The following HDDC2 variants were observed in gnomAD, a reference collection of about 807,000 sequenced individuals.
HDDC2 encodes 5'-deoxynucleotidase HDDC2.
HDDC2 carries 25 observed loss-of-function variants against 25.5 expected under a neutral mutation model. The observed-to-expected ratio is 0.98, with a 90% CI of 0.72 to 1.37. The LOEUF (loss-of-function observed/expected upper bound fraction) is 1.37. HDDC2 is among the 40% of genes most tolerant of loss of function. HDDC2 has a pLI of 0.00. For missense variants in HDDC2, 264 were observed against 253.1 expected (o/e 1.04, Z -0.29); for synonymous variants, 106 against 89.7 (o/e 1.18, Z -1.03).
At chr6:125,297,448 A>AAG (rs1798721107) in intron 3 of HDDC2, 2 of 397,414 alleles carry the variant, frequency 5.0e-6, no homozygotes, top group Non-Finnish European at 8.9e-6. Context: ...TGGAACTCTT[A>AAG]AACTGGGACT....
intron 1 of HDDC2, among the ~76,000 whole-genome samples, chr6:125,301,218 A>G (rs1485058050): frequency 6.6e-6 from 1 of 152,212 alleles, no homozygotes; most frequent in African/African-American, 2.4e-5. Context: ...AATAGTAGTC[A>G]GAGTGGCATG....
intron 2 of HDDC2, 93 bp downstream of exon 2, chr6:125,300,445 C>T: frequency 6.9e-7 from 1 of 1,450,220 alleles, no homozygotes; most frequent in Non-Finnish European, 9.3e-7. Flanking sequence ...ATAAACTAAC[C>T]TACAAGGATT....
rs1016924742 is a variant in HDDC2 at position 125,275,404 on chromosome 6, C to T, written c.*742G>A. 1.9e-4 allele frequency: 29 copies of T among 152,170 alleles called. No homozygotes were observed. Among genetic ancestry groups the T allele is most frequent in the African/African-American group, 7.0e-4 (29 of 41,432 alleles). 9.4% of individuals were successfully genotyped at this position (152,170 alleles called of 1,614,324 possible). Reference sequence around the variant, plus strand: ...GAGGAAGAAATCGGGTTGATATATTCCCTACCTGAGGCTCAATGACCCCAG... The same window carrying T: ...GAGGAAGAAATCGGGTTGATATATTTCCTACCTGAGGCTCAATGACCCCAG... On this transcript the variant is annotated 3_prime_UTR_variant, in exon 6 of 6. Transcript: ENST00000398153.
chr6:125,283,589 C>A (rs567842145), intron 4 of HDDC2, among the ~76,000 whole-genome samples: 1 of 152,144 alleles, frequency 6.6e-6, no homozygotes. Context: ...GAATAAAATA[C>A]CTAGGAATAT....
intron 4 of HDDC2, among the ~76,000 whole-genome samples, chr6:125,284,756 C>G (rs934655865): frequency 6.6e-6 from 1 of 152,152 alleles, no homozygotes; most frequent in Non-Finnish European, 1.5e-5. Context: ...GACAATGTGA[C>G]GATTCCTCAA....
intron 4 of HDDC2, among the ~76,000 whole-genome samples, chr6:125,281,478 T>G (rs1397959013): frequency 6.6e-6 from 1 of 152,136 alleles, no homozygotes; most frequent in Non-Finnish European, 1.5e-5. Context: ...TTAGAGGAAT[T>G]GCTAACCAGA....
At chr6:125,276,358 A>G (rs1471576289) in intron 5 of HDDC2, 115 bp from the exon 6 acceptor site, 1 of 736,794 alleles carries the variant, frequency 1.4e-6, no homozygotes, top group East Asian at 2.6e-5. Flanking sequence ...TCTGACCCAC[A>G]CTTCATTCCA....
intron 4 of HDDC2, 63 bp downstream of exon 4, chr6:125,292,778 A>G (rs756103509): frequency 8.2e-7 from 1 of 1,223,992 alleles, no homozygotes; most frequent in African/African-American, 1.5e-5. Context: ...GTCAAGTACA[A>G]CATCAGGGAG....
intron 4 of HDDC2, among the ~76,000 whole-genome samples, chr6:125,286,002 G>T (rs1434757404): frequency 1.3e-5 from 2 of 152,080 alleles, no homozygotes; most frequent in African/African-American, 4.8e-5. Flanking sequence ...GTTCCATTTT[G>T]ATATAAATAA....
At chr6:125,291,392 T>C (rs1368583248) in intron 4 of HDDC2, among the ~76,000 whole-genome samples, 1 of 152,170 alleles carries the variant, frequency 6.6e-6, no homozygotes, top group African/African-American at 2.4e-5. Context: ...AGCATTTCCT[T>C]ATTTTAGAAA....
intron 4 of HDDC2, among the ~76,000 whole-genome samples, chr6:125,283,251 G>A (rs1008218539): frequency 6.6e-5 from 10 of 152,094 alleles, no homozygotes; most frequent in African/African-American, 1.9e-4. Context: ...TTTGAAAACC[G>A]GCACAAGACA....
intron 4 of HDDC2, among the ~76,000 whole-genome samples, chr6:125,283,721 TG>T (rs1798492818): frequency 6.6e-6 from 1 of 152,180 alleles, no homozygotes; most frequent in Non-Finnish European, 1.5e-5. Flanking sequence ...ATCAATATCG[TG>T]AAAATGGCCA....
chr6:125,281,913 T>G (rs978840086), intron 4 of HDDC2, among the ~76,000 whole-genome samples: 3 of 151,458 alleles, frequency 2.0e-5, no homozygotes, highest in African/African-American at 7.3e-5. Flanking sequence ...TTCACCAAGG[T>G]AGAAATAGAG....
chr6:125,291,421 G>A (rs1798629578), intron 4 of HDDC2, among the ~76,000 whole-genome samples: 3 of 152,112 alleles, frequency 2.0e-5, no homozygotes, highest in Admixed American at 1.3e-4. Context: ...GGTACATATG[G>A]TGTACACTAA....
rs1482237579 is a variant in HDDC2 at position 125,292,831 on chromosome 6, A to G, written c.378+10T>C. ...CAAATTAAAAACAGTAACGTACCAT[A>G]TATACTTACTTCCCAAAGTTCATAG... On this transcript the variant is annotated intron_variant, in intron 4 of 5. Coordinates refer to ENST00000398153, the MANE Select transcript of HDDC2 (RefSeq NM_016063.3). The G allele has an allele frequency of 3.7e-6, 6 of 1,602,074 alleles. No homozygotes were observed. The highest frequency in any genetic ancestry group is 2.0e-4 in the Middle Eastern group (1 of 5,090).
At chr6:125,280,180 T>C (rs750715882) in intron 4 of HDDC2, among the ~76,000 whole-genome samples, 8 of 152,306 alleles carry the variant, frequency 5.3e-5, no homozygotes, top group Non-Finnish European at 1.2e-4. Context: ...CATGAGGGAC[T>C]GTGCTGTGAG....
intron 5 of HDDC2, 32 bp from the exon 6 acceptor site, chr6:125,276,275 T>C (rs1465711239): frequency 1.1e-5 from 17 of 1,484,238 alleles, no homozygotes; most frequent in South Asian, 5.6e-5. Flanking sequence ...AAAAATACAT[T>C]CCCATATTGA....
intron 3 of HDDC2, among the ~76,000 whole-genome samples, chr6:125,295,859 C>T (rs948154342): frequency 6.6e-6 from 1 of 152,080 alleles, no homozygotes; most frequent in Non-Finnish European, 1.5e-5. Context: ...CACAGTGATC[C>T]TTATCAGACA....
intron 3 of HDDC2, among the ~76,000 whole-genome samples, chr6:125,298,169 T>C (rs1798733783): frequency 6.6e-6 from 1 of 152,088 alleles, no homozygotes; most frequent in Non-Finnish European, 1.5e-5. Context: ...GGATCTGTAC[T>C]CCAAACCTCA....
Sources: allele counts gnomAD v4.1 joint callset (sites outside exome capture counted in the v4.1 genomes callset), GRCh38; gene constraint gnomAD v4.1.1; transcripts MANE v1.5; gene names NCBI Gene and HGNC (gene_info 2026-07-23, HGNC 2026-07-21).